PKLR: variants seen among roughly 807,000 people sequenced by gnomAD.
The protein encoded by PKLR is pyruvate kinase PKLR.
In PKLR, 38 loss-of-function variants were observed where a neutral mutation model predicts 53.6. That is an observed-to-expected ratio of 0.71 (90% CI 0.55 to 0.93). The LOEUF is 0.93. Among genes scored for constraint, PKLR ranks in the 40% least tolerant of loss-of-function variants. The pLI, the probability that PKLR is intolerant of heterozygous loss-of-function variation, is 0.00. For missense variants in PKLR, 702 were observed against 787.3 expected, an observed-to-expected ratio of 0.89 and a Z score of 1.30; for synonymous variants, 328 against 316.2, an observed-to-expected ratio of 1.04 and a Z score of -0.39.
Position 155,290,635 on chromosome 1 carries a change from C to T in PKLR, c.1662G>A (p.Val554=). Residue 554 remains valine (V), a synonymous_variant, in exon 11 of 11, where the codon GTG becomes GTA. Coordinates refer to ENST00000342741, the MANE Select transcript of PKLR (RefSeq NM_000298.6). ...GFLRVGDLVI[V]VTGWRPGSGY... ...CGGAGCCAGGTCGCCAGCCTGTCAC[C>T]ACAATCACCAGGTCTCCAACACGGA... The T allele has an allele frequency of 1.2e-6, 2 of 1,613,634 alleles. No homozygotes were observed. Among genetic ancestry groups the T allele is most frequent in the Non-Finnish European group, 8.5e-7 (1 of 1,179,710 alleles).
intron 2 of PKLR, among the ~76,000 whole-genome samples, chr1:155,298,161 G>A (rs1419149818): frequency 2.0e-5 from 3 of 151,872 alleles, no homozygotes; most frequent in African/African-American, 4.8e-5. Context: ...TCAGCCTTCC[G>A]AGTAGCTGGG....
At chr1:155,292,610 C>T (rs1032700819) in intron 9 of PKLR, among the ~76,000 whole-genome samples, 1 of 152,170 alleles carries the variant, frequency 6.6e-6, no homozygotes, top group African/African-American at 2.4e-5. Flanking sequence ...TTACTCCAGC[C>T]TGAGCAACAG....
rs745707960 is a variant in PKLR, at chr1:155,295,084, G to T, written c.694+32C>A. 40 of 1,605,298 alleles carry T rather than the reference G, an allele frequency of 2.5e-5. No individual in the cohort carries two copies. In the East Asian group the frequency reaches 5.1e-4, roughly 21 times the overall value. On this transcript the variant is annotated intron_variant, in intron 5 of 10. Transcript: ENST00000342741. This position sits in a 1 kb window ranked among gnomAD's most constrained non-coding sequence, Gnocchi z 4.3. ...GGAGAAGGGAATGTGCCCAGCGCAC[G>T]GATGTGGTCAGGGCGGGAGGCGCGT...
chr1:155,307,549 A>T, the PKLR span, among the ~76,000 whole-genome samples: 2 of 152,224 alleles, frequency 1.3e-5, no homozygotes, highest in East Asian at 3.8e-4. Flanking sequence ...CAAAACCAAG[A>T]TGGCAACAAG....
rs1275173660 is a variant in PKLR, at chr1:155,295,534, G to A, written c.410C>T (p.Ala137Val). ...HAESIANVRE[A>V]VESFAGSPLS... Reference sequence around the variant, plus strand: ...TGGGGAACCTGCAAAGCTCTCCACCGCCTCCCGGACGTTGGCGATGGACTC... The same window carrying A: ...TGGGGAACCTGCAAAGCTCTCCACCACCTCCCGGACGTTGGCGATGGACTC... Residue 137 changes from alanine (A) to valine (V), a missense_variant, in exon 4 of 11, where the codon GCG becomes GTG. Ala to Val is a moderately conservative substitution (Grantham distance 64). Around this residue, in one of 2 missense-constraint regions of PKLR, gnomAD observed 519 missense variants for 537.1 expected, o/e 0.97. Coordinates refer to ENST00000342741, the MANE Select transcript of PKLR (RefSeq NM_000298.6). The surrounding 1 kb of genome is among the most constrained non-coding windows in gnomAD (Gnocchi z 4.3). 2.5e-6 allele frequency: 4 copies of A among 1,613,478 alleles called. No homozygotes were observed. Among genetic ancestry groups the A allele is most frequent in the Non-Finnish European group, 3.4e-6 (4 of 1,179,762 alleles).
Position 155,290,321 on chromosome 1 carries a change from G to C in PKLR, c.*251C>G, listed in dbSNP as rs1424266208. On this transcript the variant is annotated 3_prime_UTR_variant, in exon 11 of 11. Transcript: ENST00000342741. ...TGGATGCAGGGAATGTACAATTGGT[G>C]CTGTTGGGTGGCCAGTGCATAATTG... 3.6e-6 allele frequency: 2 copies of C among 551,708 alleles called. No homozygotes were observed. Among genetic ancestry groups the C allele is most frequent in the Non-Finnish European group, 6.5e-6 (2 of 306,042 alleles). The allele number at this position is 551,708 out of a possible 1,614,324, so 34.2% of individuals were successfully genotyped here. A position where few individuals can be genotyped will look rare whatever the true frequency, so the allele number is the denominator to read the frequency against.
At chr1:155,306,229 A>G (rs1648230956), upstream of PKLR, among the ~76,000 whole-genome samples, 1 of 152,210 alleles carries the variant, frequency 6.6e-6, no homozygotes, top group Non-Finnish European at 1.5e-5. The surrounding 1 kb of genome is among the most constrained non-coding windows in gnomAD (Gnocchi z 4.2). Flanking sequence ...CAGCATCCAA[A>G]CACAACACTC....
chr1:155,304,367 G>A (rs1168531454), upstream of PKLR, among the ~76,000 whole-genome samples: 1 of 145,918 alleles, frequency 6.9e-6, no homozygotes, highest in Non-Finnish European at 1.5e-5. Flanking sequence ...CCGGGAGGCA[G>A]AGGTTGCAGT....
chr1:155,297,706 CAAATTCTAAA>C (rs1647675514), intron 2 of PKLR, among the ~76,000 whole-genome samples: 1 of 152,150 alleles, frequency 6.6e-6, no homozygotes, highest in African/African-American at 2.4e-5. Flanking sequence ...AAACGCAACT[CAAATTCTAAA>C]AATGGCCTAC....
intron 1 of PKLR, chr1:155,300,994 GT>G (rs1217109359): frequency 1.3e-6 from 2 of 1,555,486 alleles, no homozygotes; most frequent in Non-Finnish European, 8.7e-7. Context: ...CTGCAGACTG[GT>G]TAAAGTGTCA....
At chr1:155,298,990 CTTT>C (rs1647783535) in intron 2 of PKLR, among the ~76,000 whole-genome samples, 4 of 94,364 alleles carry the variant, frequency 4.2e-5, no homozygotes, top group Non-Finnish European at 7.8e-5. Context: ...TTCTTTCTTT[CTTT>C]CTTTCTTTCT....
the PKLR span, chr1:155,308,564 G>A: frequency 1.0e-6 from 1 of 985,420 alleles, no homozygotes; most frequent in Non-Finnish European, 1.2e-6. Context: ...GTGCCAATCA[G>A]CTGCCCAGGA....
chr1:155,303,686 C>A (rs1289458534), upstream of PKLR, among the ~76,000 whole-genome samples: 1 of 152,116 alleles, frequency 6.6e-6, no homozygotes. Context: ...AGTGCAGTGG[C>A]ACGATCTCAG....
chr1:155,305,553 G>A (rs1648211254), upstream of PKLR, among the ~76,000 whole-genome samples: 1 of 152,244 alleles, frequency 6.6e-6, no homozygotes, highest in African/African-American at 2.4e-5. Context: ...CACAGAGAAT[G>A]TGGCAGACTT....
At chr1:155,291,727 G>A in intron 10 of PKLR, 29 bp downstream of exon 10, 2 of 1,602,248 alleles carry the variant, frequency 1.2e-6, no homozygotes. Context: ...CAAATGGTAG[G>A]AGTGGCAGGG....
At position 155,294,664 on chromosome 1, in the gene PKLR, C is replaced by T. The variant is rs761905811; in HGVS notation, c.783G>A (p.Leu261=). ...GVNLPGAQVD[L]PGLSEQDVRD... ...GGACGTCCTGCTCGGACAGCCCGGG[C>T]AAGTCCACCTGGGCCCCTGGCAAGT... The change falls in exon 6 of 11, where the codon TTG becomes TTA. Residue 261 remains leucine, a synonymous_variant. Coordinates refer to ENST00000342741, the MANE Select transcript of PKLR (RefSeq NM_000298.6). The T allele has an allele frequency of 6.2e-7, 1 of 1,614,030 alleles. No individual in the cohort carries two copies. The highest frequency in any genetic ancestry group is 1.3e-5 in the African/African-American group (1 of 74,948).
intron 1 of PKLR, 100 bp downstream of exon 1, chr1:155,301,196 G>T: frequency 2.1e-6 from 3 of 1,441,480 alleles, no homozygotes; most frequent in East Asian, 4.6e-5. Context: ...AACCCACCTA[G>T]CCAGTGGCTG....
chr1:155,301,082 T>TACATGCTGTGGCTC (rs1647969463), intron 1 of PKLR: 1 of 1,498,630 alleles, frequency 6.7e-7, no homozygotes, highest in Non-Finnish European at 9.0e-7. Flanking sequence ...CCCCGTGGCT[T>TACATGCTGTGGCTC]ACATGCTGTG....
At chr1:155,306,659 A>G in the PKLR span, among the ~76,000 whole-genome samples, 1 of 151,918 alleles carries the variant, frequency 6.6e-6, no homozygotes, top group African/African-American at 2.4e-5. The surrounding 1 kb of genome is among the most constrained non-coding windows in gnomAD (Gnocchi z 4.2). Context: ...ACACACAAAT[A>G]CGTACTCCAC....
Sources: allele counts gnomAD v4.1 joint callset (sites outside exome capture counted in the v4.1 genomes callset), GRCh38; gene constraint gnomAD v4.1.1; regional missense constraint gnomAD v4.1.1; non-coding constraint Gnocchi (gnomAD v3.1); transcripts MANE v1.5; gene names NCBI Gene and HGNC (gene_info 2026-07-23, HGNC 2026-07-21).